Variants in MSL1 observed in about 807,000 individuals in gnomAD.
MSL1 encodes MSL complex subunit 1.
In MSL1, 21 loss-of-function variants were observed where a neutral mutation model predicts 64.6. The ratio of observed to expected loss-of-function variants is 0.33; its 90% confidence interval spans 0.23 to 0.47. MSL1 has a LOEUF of 0.47. Ranked by LOEUF, MSL1 falls within the 20% of genes least tolerant of loss-of-function variation. MSL1 has a pLI of 1.00. For synonymous variants in MSL1, 339 were observed against 329.6 expected, an observed-to-expected ratio of 1.03 and a Z score of -0.31; for missense variants, 664 against 793.2, an observed-to-expected ratio of 0.84 and a Z score of 1.96.
chr17:40,133,221 C>G, intron 6 of MSL1, 112 bp downstream of exon 6: 1 of 978,640 alleles, frequency 1.0e-6, no homozygotes, highest in Non-Finnish European at 1.5e-6. Context: ...GAGTGCTTAA[C>G]ACTCTTACAT....
chr17:40,131,677 T>G lies in MSL1; in HGVS notation c.1423+93T>G. The stretch of plus-strand genomic sequence containing the variant: ...AGCTGCATTCCCCATCCACTGGATG[T>G]GGGAGACTGAGATTTCTTGGTGTAT... On this transcript the variant is annotated intron_variant, in intron 4 of 8. Coordinates refer to ENST00000398532, the MANE Select transcript of MSL1 (RefSeq NM_001365919.1). The surrounding 1 kb of genome is among the most constrained non-coding windows in gnomAD (Gnocchi z 4.5). The G allele has an allele frequency of 9.1e-7, 1 of 1,099,468 alleles. No homozygotes were observed. The highest frequency in any genetic ancestry group is 1.4e-6 in the Non-Finnish European group (1 of 712,432). 68.1% of individuals were successfully genotyped at this position (1,099,468 alleles called of 1,614,324 possible). A position where few individuals can be genotyped will look rare whatever the true frequency, so the allele number is the denominator to read the frequency against.
chr17:40,125,435 G>A (rs772485970), intron 1 of MSL1, among the ~76,000 whole-genome samples: 3 of 152,116 alleles, frequency 2.0e-5, no homozygotes, highest in Non-Finnish European at 2.9e-5. Flanking sequence ...CCTTCTCAAT[G>A]TACTGTTTGC....
At chr17:40,132,543 CAG>C (rs1411045078) in intron 5 of MSL1, among the ~76,000 whole-genome samples, 2 of 152,066 alleles carry the variant, frequency 1.3e-5, no homozygotes, top group South Asian at 2.1e-4. Context: ...GAGGCTGAGA[CAG>C]GGAGAATTGC....
Position 40,131,331 on chromosome 17 carries a change from T to TAAAA in MSL1, c.1376-198_1376-195dup. On this transcript the variant is annotated intron_variant, in intron 3 of 8. Coordinates refer to ENST00000398532, the MANE Select transcript of MSL1 (RefSeq NM_001365919.1). This position sits in a 1 kb window ranked among gnomAD's most constrained non-coding sequence, Gnocchi z 4.5. ...ATGAAGAAAAGAAGTCGTCTCAGTG[T>TAAAA]AAAAAAAAAAAGTGGTGGGCTTATT... The TAAAA allele has an allele frequency of 2.4e-6, 1 of 416,028 alleles. No individual in the cohort carries two copies. The highest frequency in any genetic ancestry group is 3.5e-5 in the South Asian group (1 of 28,300). The allele number at this position is 416,028 out of a possible 1,614,324, so 25.8% of individuals were successfully genotyped here.
chr17:40,122,876 C>T lies in MSL1; in HGVS notation c.264C>T (p.Ala88=), dbSNP rs560427333. 1,154 of 1,402,406 alleles carry T rather than the reference C, an allele frequency of 8.2e-4. 7 individuals carry two copies. The African/African-American group carries it at 9.3e-3, about 11-fold the overall frequency. The allele number at this position is 1,402,406 out of a possible 1,614,324, so 86.9% of individuals were successfully genotyped here. A position where few individuals can be genotyped will look rare whatever the true frequency, so the allele number is the denominator to read the frequency against. The change falls in exon 1 of 9, where the codon GCC becomes GCT. Residue 88 remains alanine, a synonymous_variant. Coordinates refer to ENST00000398532, the MANE Select transcript of MSL1 (RefSeq NM_001365919.1). This position sits in a 1 kb window ranked among gnomAD's most constrained non-coding sequence, Gnocchi z 4.2. ...GCTTGTTACTCCCGGCCGGGGCGGCCCCCGGGCAGCAGGAAGAGAGCTGGG... is the reference window on the plus strand; with the variant it reads ...GCTTGTTACTCCCGGCCGGGGCGGCTCCCGGGCAGCAGGAAGAGAGCTGGG... The part of the protein sequence containing the change: ...GRGLLLPAGA[A]PGQQEESWGG...
Position 40,135,284 on chromosome 17 carries a change from T to C in MSL1, c.*915T>C, listed in dbSNP as rs1988518464. 1 of 152,242 alleles carries C rather than the reference T, an allele frequency of 6.6e-6. No homozygotes were observed. The allele number at this position is 152,242 out of a possible 1,614,324, so 9.4% of individuals were successfully genotyped here. On this transcript the variant is annotated 3_prime_UTR_variant, in exon 9 of 9. Coordinates refer to ENST00000398532, the MANE Select transcript of MSL1 (RefSeq NM_001365919.1). ...ATAGGTGCTTCCTTTGGCTGGCAAA[T>C]GTCTACATCTTGAAACAAACAGATG... is the stretch of plus-strand genomic sequence containing the variant.
chr17:40,133,210 G>GGA, intron 6 of MSL1, 101 bp downstream of exon 6: 1 of 1,105,216 alleles, frequency 9.0e-7, no homozygotes, highest in Non-Finnish European at 1.3e-6. Context: ...GGAGAATCTT[G>GGA]GAGTGCTTAA....
chr17:40,124,618 G>C (rs1988272906), intron 1 of MSL1: 1 of 152,190 alleles, frequency 6.6e-6, no homozygotes, highest in Admixed American at 6.5e-5. Context: ...CAACATGGAG[G>C]TGGCACTGCT....
At chr17:40,134,161 C>G (rs1202208049) in intron 8 of MSL1, 118 bp from the exon 9 acceptor site, 1 of 849,104 alleles carries the variant, frequency 1.2e-6, no homozygotes, top group African/African-American at 1.7e-5. Context: ...GAAAGACACT[C>G]CAAACTAGTC....
At chr17:40,127,862 C>T (rs146898484) in intron 2 of MSL1, among the ~76,000 whole-genome samples, 1,864 of 152,276 alleles carry the variant, frequency 0.012, 51 homozygotes, top group African/African-American at 0.042. Context: ...CGGTGGCTCA[C>T]GCCTGTAATC....
Position 40,134,417 on chromosome 17 carries a change from C to A in MSL1, c.*48C>A. On this transcript the variant is annotated 3_prime_UTR_variant, in exon 9 of 9. Coordinates refer to ENST00000398532, the MANE Select transcript of MSL1 (RefSeq NM_001365919.1). ...TTCAGATAGTTGTAGCATGCCATTC[C>A]CGAGAGTGGCAGAGACCTGTATATG... The A allele has an allele frequency of 6.8e-7, 1 of 1,467,670 alleles. No homozygotes were observed. The highest frequency in any genetic ancestry group is 9.3e-7 in the Non-Finnish European group (1 of 1,070,260). The allele number at this position is 1,467,670 out of a possible 1,614,324, so 90.9% of individuals were successfully genotyped here. A position where few individuals can be genotyped will look rare whatever the true frequency, so the allele number is the denominator to read the frequency against.
At position 40,122,943 on chromosome 17, in the gene MSL1, C is replaced by A; in HGVS notation, c.331C>A (p.Gln111Lys). 6.6e-7 allele frequency: 1 copy of A among 1,522,448 alleles called. No homozygotes were observed. Among genetic ancestry groups the A allele is most frequent in the Non-Finnish European group, 8.8e-7 (1 of 1,141,950 alleles). 94.3% of individuals were successfully genotyped at this position (1,522,448 alleles called of 1,614,324 possible). The change falls in exon 1 of 9, where the codon CAA (glutamine) becomes AAA (lysine). Residue 111 changes from glutamine (Q) to lysine (K), a missense_variant. Physicochemically the swap from Gln to Lys is moderately conservative, Grantham distance 53. Coordinates refer to ENST00000398532, the MANE Select transcript of MSL1 (RefSeq NM_001365919.1). This position sits in a 1 kb window ranked among gnomAD's most constrained non-coding sequence, Gnocchi z 4.2. ...PLPCPPPATKQAGIGGEPAAA... is the reference protein window; with the variant it reads ...PLPCPPPATKKAGIGGEPAAA... ...GCCCTGTCCGCCCCCGGCCACCAAG[C>A]AAGCCGGCATTGGGGGGGAGCCTGC...
At chr17:40,130,152 G>C (rs1034765235) in intron 3 of MSL1, 5 of 152,220 alleles carry the variant, frequency 3.3e-5, no homozygotes, top group Admixed American at 2.0e-4. Flanking sequence ...GTCCCTGTCT[G>C]GGGGGCAGGA....
rs1988177280 is a variant in MSL1, at chr17:40,121,985, T to TGGCGGC, written c.-624_-619dup. On this transcript the variant is annotated 5_prime_UTR_variant, in exon 1 of 9. Coordinates refer to ENST00000398532, the MANE Select transcript of MSL1 (RefSeq NM_001365919.1). ...CCTCCCCGCGCATGCGTCCTCCGGT[T>TGGCGGC]GGCGGCGGCTGCGGCGGTGGCGGCT... Among the ~76,000 whole-genome samples, 1 of 151,882 alleles carries TGGCGGC rather than the reference T, an allele frequency of 6.6e-6. No homozygotes were observed. The highest frequency in any genetic ancestry group is 2.4e-5 in the African/African-American group (1 of 41,350).
Position 40,126,292 on chromosome 17 carries a change from A to C in MSL1, c.878A>C (p.Glu293Ala), listed in dbSNP as rs772502558. Reference protein sequence around the residue: ...FQGYETEEREETELSEKIKLE... With the variant: ...FQGYETEEREATELSEKIKLE... The stretch of plus-strand genomic sequence containing the variant: ...GGCTATGAAACTGAAGAGAGAGAGG[A>C]AACAGAGCTATCTGAGAAAATTAAA... The change falls in exon 2 of 9, where the codon GAA (glutamate) becomes GCA (alanine). Residue 293 changes from glutamate (E) to alanine (A), a missense_variant. Physicochemically the swap from Glu to Ala is moderately radical, Grantham distance 107. Transcript: ENST00000398532. The C allele has an allele frequency of 1.2e-6, 2 of 1,614,010 alleles. No individual in the cohort carries two copies. Among genetic ancestry groups the C allele is most frequent in the South Asian group, 2.2e-5 (2 of 91,086 alleles).
chr17:40,128,369 CT>C (rs145183199), intron 2 of MSL1, among the ~76,000 whole-genome samples: 2,946 of 112,660 alleles, frequency 0.026, 59 homozygotes, highest in African/African-American at 0.072. Context: ...CTTGAATATT[CT>C]TTTTTTTTTT....
At chr17:40,127,460 G>GTACA (rs1367813574) in intron 2 of MSL1, among the ~76,000 whole-genome samples, 1 of 152,022 alleles carries the variant, frequency 6.6e-6, no homozygotes, top group Non-Finnish European at 1.5e-5. Flanking sequence ...ATACGTAGAT[G>GTACA]TACAACACCT....
At position 40,135,603 on chromosome 17, in the gene MSL1, T is replaced by C. The variant is rs112027518; in HGVS notation, c.*1234T>C. The C allele has an allele frequency of 6.6e-6, 1 of 152,308 alleles. No individual in the cohort carries two copies. Among genetic ancestry groups the C allele is most frequent in the African/African-American group, 2.4e-5 (1 of 41,422 alleles). The allele number at this position is 152,308 out of a possible 1,614,324, so 9.4% of individuals were successfully genotyped here. ...TAAAGAGAATATGTCCCCAGATTAT[T>C]AGCACTTTTAGAGGAGAAGCCAAGG... On this transcript the variant is annotated 3_prime_UTR_variant, in exon 9 of 9. Transcript: ENST00000398532.
rs574233019 is a variant in MSL1 at position 40,129,481 on chromosome 17, A to G, written c.1229A>G (p.His410Arg). The G allele has an allele frequency of 6.2e-7, 1 of 1,613,894 alleles. No individual in the cohort carries two copies. The highest frequency in any genetic ancestry group is 2.2e-5 in the East Asian group (1 of 44,878). ...LSTPQKGPST[H>R]PKEKAFSSEI... ...ACTCCCCAAAAGGGACCCAGCACCC[A>G]TCCCAAGGAGAAAGCCTTCTCAAGT... is the stretch of plus-strand genomic sequence containing the variant. The change falls in exon 3 of 9, where the codon CAT becomes CGT. Residue 410 changes from histidine (H) to arginine (R), a missense_variant. This residue lies in a region of MSL1 where 119 missense variants were observed against 164.3 expected (regional missense o/e 0.72). Transcript: ENST00000398532.
Sources: gnomAD v4.1 joint callset for allele counts (sites outside exome capture counted in the v4.1 genomes callset) on GRCh38, gnomAD v4.1.1 for gene constraint, gnomAD v4.1.1 regional missense constraint, Gnocchi (gnomAD v3.1) non-coding constraint, MANE v1.5 for transcripts, NCBI Gene and HGNC (gene_info 2026-07-23, HGNC 2026-07-21) for gene names.